The following MTA3 variants were observed in gnomAD, a reference collection of about 807,000 sequenced individuals.
The protein encoded by MTA3 is metastasis-associated protein MTA3.
A neutral mutation model predicts 83.5 loss-of-function variants in MTA3; 34 were observed. The observed-to-expected ratio is 0.41, with a 90% CI of 0.31 to 0.54. The LOEUF is 0.54. MTA3 is among the 20% of genes least tolerant of loss of function. MTA3 has a pLI of 0.33. For missense variants in MTA3, 761 were observed against 726.4 expected (o/e 1.05, Z -0.55); for synonymous variants, 303 against 252.7 (o/e 1.20, Z -1.89).
intron 2 of MTA3, among the ~76,000 whole-genome samples, chr2:42,512,399 C>A (rs1328522682): frequency 6.6e-6 from 1 of 152,198 alleles, no homozygotes; most frequent in East Asian, 1.9e-4. Flanking sequence ...CAGGTCCTCT[C>A]CCCAGAAGAG....
At chr2:42,737,792 A>C (rs1026159908) in intron 16 of MTA3, among the ~76,000 whole-genome samples, 1 of 152,244 alleles carries the variant, frequency 6.6e-6, no homozygotes. Context: ...GATGGGATCT[A>C]AACTCCAAAT....
intron 4 of MTA3, among the ~76,000 whole-genome samples, chr2:42,638,123 G>T (rs192931351): frequency 1.6e-3 from 240 of 152,162 alleles, no homozygotes; most frequent in Non-Finnish European, 2.7e-3. Flanking sequence ...TGACTTTAGA[G>T]AACTTATTTT....
chr2:42,500,153 C>G (rs1262605464), intron 2 of MTA3, among the ~76,000 whole-genome samples: 1 of 152,140 alleles, frequency 6.6e-6, no homozygotes, highest in Non-Finnish European at 1.5e-5. Context: ...AATCTCAGCA[C>G]TTTGTGAGGC....
chr2:42,633,742 A>T (rs973074547), intron 4 of MTA3, among the ~76,000 whole-genome samples: 6 of 151,788 alleles, frequency 4.0e-5, no homozygotes, highest in Non-Finnish European at 8.8e-5. Flanking sequence ...ATACAAAAAA[A>T]AGTTAGCCGG....
At chr2:42,686,069 A>G (rs973099234) in intron 9 of MTA3, among the ~76,000 whole-genome samples, 1 of 152,130 alleles carries the variant, frequency 6.6e-6, no homozygotes, top group African/African-American at 2.4e-5. Context: ...CCTTTACCTG[A>G]GCACTGAGCA....
At chr2:42,620,551 G>A (rs1259290213) in intron 4 of MTA3, among the ~76,000 whole-genome samples, 1 of 152,138 alleles carries the variant, frequency 6.6e-6, no homozygotes, top group Non-Finnish European at 1.5e-5. Flanking sequence ...AGAGTACAGT[G>A]GTGTCATCAC....
chr2:42,581,616 C>T (rs1679655784), intron 3 of MTA3, among the ~76,000 whole-genome samples: 1 of 151,126 alleles, frequency 6.6e-6, no homozygotes, highest in Non-Finnish European at 1.5e-5. Flanking sequence ...CTATTGGCCT[C>T]AAGCAGTCCT....
chr2:42,694,716 C>A (rs1693223404), intron 9 of MTA3, among the ~76,000 whole-genome samples: 1 of 152,154 alleles, frequency 6.6e-6, no homozygotes, highest in South Asian at 2.1e-4. Context: ...TTTGCAGAGA[C>A]CAGATGACAC....
upstream of MTA3, among the ~76,000 whole-genome samples, chr2:42,494,373 G>A (rs1159125071): frequency 1.3e-5 from 2 of 152,190 alleles, no homozygotes; most frequent in Non-Finnish European, 2.9e-5. Context: ...GGACTCGGGT[G>A]CGGGGACAGA....
chr2:42,583,957 T>C (rs1392149466), intron 3 of MTA3, among the ~76,000 whole-genome samples: 3 of 150,524 alleles, frequency 2.0e-5, no homozygotes, highest in Non-Finnish European at 4.4e-5. Flanking sequence ...GATTCTCCTG[T>C]CTCAGCCCCC....
intron 4 of MTA3, among the ~76,000 whole-genome samples, chr2:42,611,562 G>T (rs1187114123): frequency 6.6e-6 from 1 of 152,046 alleles, no homozygotes; most frequent in Non-Finnish European, 1.5e-5. Flanking sequence ...AAATTGAGAT[G>T]CAGTCTTTGG....
At chr2:42,699,033 A>G (rs1573666967) in intron 11 of MTA3, among the ~76,000 whole-genome samples, 1 of 152,358 alleles carries the variant, frequency 6.6e-6, no homozygotes, top group East Asian at 1.9e-4. Context: ...AAGTGCTGCC[A>G]CCATGAAATA....
chr2:42,643,300 C>T (rs4953529), intron 5 of MTA3, among the ~76,000 whole-genome samples: 114,783 of 152,006 alleles, frequency 0.76, 43,722 homozygotes, highest in South Asian at 0.88. Flanking sequence ...ATACAGAGAA[C>T]TGGGCAGCCG....
intron 16 of MTA3, among the ~76,000 whole-genome samples, chr2:42,734,443 T>A (rs2104569024): frequency 6.6e-6 from 1 of 150,728 alleles, no homozygotes; most frequent in South Asian, 2.1e-4. Context: ...GTAAAGCGTG[T>A]TTCTTGTAGG....
chr2:42,698,958 A>G (rs1346631035), intron 11 of MTA3, among the ~76,000 whole-genome samples: 1 of 152,194 alleles, frequency 6.6e-6, no homozygotes, highest in Non-Finnish European at 1.5e-5. Context: ...TCTCAAATAA[A>G]ATACTGTTGC....
intron 2 of MTA3, among the ~76,000 whole-genome samples, chr2:42,555,667 C>G (rs1277843038): frequency 5.3e-5 from 8 of 151,666 alleles, no homozygotes; most frequent in Admixed American, 5.3e-4. Flanking sequence ...ACTTGGGAGG[C>G]TGAGGCAGGA....
intron 14 of MTA3, among the ~76,000 whole-genome samples, chr2:42,717,920 C>T (rs886297872): frequency 6.6e-6 from 1 of 152,112 alleles, no homozygotes; most frequent in Non-Finnish European, 1.5e-5. Context: ...AAGACTGATT[C>T]CACCTTGTGC....
intron 2 of MTA3, among the ~76,000 whole-genome samples, chr2:42,498,905 C>T (rs1428975202): frequency 1.3e-5 from 2 of 152,122 alleles, no homozygotes; most frequent in Admixed American, 6.6e-5. Context: ...GTTTCCTTAT[C>T]TTAGGGTCTG....
intron 2 of MTA3, among the ~76,000 whole-genome samples, chr2:42,562,496 T>C (rs1484115557): frequency 6.6e-6 from 1 of 152,208 alleles, no homozygotes; most frequent in Non-Finnish European, 1.5e-5. Flanking sequence ...GGATGCTTGC[T>C]GACAATTTTT....
Sources: allele counts gnomAD v4.1 joint callset (sites outside exome capture counted in the v4.1 genomes callset), GRCh38; gene constraint gnomAD v4.1.1; transcripts MANE v1.5; gene names NCBI Gene and HGNC (gene_info 2026-07-23, HGNC 2026-07-21).